Variants in KCNC4 observed in about 807,000 individuals in gnomAD.
The protein encoded by KCNC4 is voltage-gated potassium channel KCNC4.
KCNC4 carries 23 observed loss-of-function variants against 42.8 expected under a neutral mutation model. The observed-to-expected ratio is 0.54, with a 90% CI of 0.39 to 0.76. KCNC4 has a LOEUF of 0.76. Ranked by LOEUF, KCNC4 falls within the 30% of genes least tolerant of loss-of-function variation. KCNC4 has a pLI of 0.00. For synonymous variants in KCNC4, 422 were observed against 393.5 expected (o/e 1.07, Z -0.86); for missense variants, 751 against 898.2 (o/e 0.84, Z 2.10).
chr1:110,274,691 A>T (rs1351960651), intron 1 of KCNC4, among the ~76,000 whole-genome samples: 4 of 152,206 alleles, frequency 2.6e-5, no homozygotes, highest in Admixed American at 2.6e-4. Flanking sequence ...CAGAATTTAA[A>T]AACCCAGAAA....
intron 1 of KCNC4, among the ~76,000 whole-genome samples, chr1:110,216,273 A>G: frequency 6.6e-6 from 1 of 152,220 alleles, no homozygotes; most frequent in South Asian, 2.1e-4. Context: ...CCTCTGAGCT[A>G]GGGTGAACCA....
At chr1:110,281,776 ATCTC>A (rs1659832271) in intron 1 of KCNC4, among the ~76,000 whole-genome samples, 1 of 152,114 alleles carries the variant, frequency 6.6e-6, no homozygotes, top group African/African-American at 2.4e-5. Context: ...CCTAAGTATG[ATCTC>A]TCTGAGAGCA....
At chr1:110,260,809 A>G (rs4839274) in intron 1 of KCNC4, among the ~76,000 whole-genome samples, 17,417 of 152,226 alleles carry the variant, frequency 0.11, 1,395 homozygotes, top group African/African-American at 0.21. Context: ...GTGCGCTTGT[A>G]GTCCCAGCTA....
intron 1 of KCNC4, among the ~76,000 whole-genome samples, chr1:110,212,664 C>A (rs1401719532): frequency 6.6e-6 from 1 of 152,210 alleles, no homozygotes; most frequent in Non-Finnish European, 1.5e-5. Flanking sequence ...CCCAGCAGCT[C>A]AGTGTGCTCA....
intron 1 of KCNC4, among the ~76,000 whole-genome samples, chr1:110,257,768 G>A (rs1220430124): frequency 6.7e-6 from 1 of 149,044 alleles, no homozygotes; most frequent in African/African-American, 2.5e-5. Context: ...TTCCAGGGCT[G>A]GTATGGCAGC....
chr1:110,268,730 ATTT>A (rs1312990388), intron 1 of KCNC4, among the ~76,000 whole-genome samples: 2 of 132,350 alleles, frequency 1.5e-5, no homozygotes, highest in Non-Finnish European at 1.6e-5. Flanking sequence ...CTGAGATTTT[ATTT>A]TTTTTTTTTT....
At chr1:110,267,454 C>T (rs558442289) in intron 1 of KCNC4, among the ~76,000 whole-genome samples, 1 of 152,082 alleles carries the variant, frequency 6.6e-6, no homozygotes, top group Non-Finnish European at 1.5e-5. Context: ...TTCTGGAATC[C>T]GTACATTCCA....
intron 1 of KCNC4, among the ~76,000 whole-genome samples, chr1:110,277,018 T>C (rs1659739104): frequency 6.6e-6 from 1 of 152,240 alleles, no homozygotes; most frequent in Non-Finnish European, 1.5e-5. Context: ...GCAAAGGACA[T>C]ATAAACTGTC....
exon 4 of KCNC4, chr1:110,248,799 A>G (rs1330568383): frequency 1.3e-5 from 2 of 152,178 alleles, no homozygotes; most frequent in Non-Finnish European, 2.9e-5. Context: ...TTAAGTAGGG[A>G]CTCAGTAAAT....
chr1:110,269,908 C>T (rs1659609375), intron 1 of KCNC4, among the ~76,000 whole-genome samples: 1 of 152,146 alleles, frequency 6.6e-6, no homozygotes, highest in African/African-American at 2.4e-5. Context: ...TTACATGGCA[C>T]TTTTGTGATC....
chr1:110,250,414 C>T (rs1024282838), downstream of KCNC4, among the ~76,000 whole-genome samples: 14 of 152,312 alleles, frequency 9.2e-5, no homozygotes, highest in Admixed American at 4.6e-4. Flanking sequence ...CTTGCACCTA[C>T]CAAACCAGGC....
chr1:110,219,739 A>G (rs140865613), intron 1 of KCNC4: 13 of 152,310 alleles, frequency 8.5e-5, no homozygotes, highest in African/African-American at 2.9e-4. Flanking sequence ...CCCTGCCCAC[A>G]GGGATACACA....
chr1:110,217,590 T>G (rs1432305336), intron 1 of KCNC4, among the ~76,000 whole-genome samples: 1 of 152,172 alleles, frequency 6.6e-6, no homozygotes, highest in Non-Finnish European at 1.5e-5. Flanking sequence ...ACTGAATTCC[T>G]TCTGGGGTAG....
chr1:110,283,269 C>T (rs1260683282), downstream of KCNC4, among the ~76,000 whole-genome samples: 1 of 152,158 alleles, frequency 6.6e-6, no homozygotes, highest in East Asian at 1.9e-4. Flanking sequence ...CTTCCCAACA[C>T]CGCCACATTG....
chr1:110,271,614 G>C (rs11806624), intron 1 of KCNC4, among the ~76,000 whole-genome samples: 23,003 of 152,168 alleles, frequency 0.15, 1,876 homozygotes, highest in African/African-American at 0.21. Context: ...AAGCTTGTGA[G>C]TTCAGTGCCA....
Position 110,255,527 on chromosome 1 carries a change from G to T in KCNC4, n.31-27007G>T, listed in dbSNP as rs541700319. Among the ~76,000 whole-genome samples, 3 of 152,236 alleles carry T rather than the reference G, an allele frequency of 2.0e-5. No homozygotes were observed. In the South Asian group the frequency reaches 6.2e-4, roughly 32 times the overall value. On this transcript the variant is annotated intron_variant and non_coding_transcript_variant, in intron 1 of 2. Coordinates refer to the KCNC4 transcript ENST00000412512. ...AGCCGGGTGTATTTTTAGCTCTTTG[G>T]GTATCTGGAAAGGTATTGAGATGCA...
chr1:110,274,011 A>G (rs1659677361), intron 1 of KCNC4, among the ~76,000 whole-genome samples: 1 of 152,238 alleles, frequency 6.6e-6, no homozygotes, highest in South Asian at 2.1e-4. Flanking sequence ...AACAGAAAGA[A>G]ATAAAAGGCA....
chr1:110,262,972 G>C (rs1196759691), intron 1 of KCNC4, among the ~76,000 whole-genome samples: 2 of 152,226 alleles, frequency 1.3e-5, no homozygotes, highest in Non-Finnish European at 2.9e-5. Context: ...GAACAACAGA[G>C]GATGCTGTGC....
chr1:110,223,836 C>T lies in KCNC4; in HGVS notation c.1551C>T (p.Asp517=), dbSNP rs1044023257. Residue 517 remains aspartate (D), a synonymous_variant, in exon 2 of 4, where the codon GAC becomes GAT. Transcript: ENST00000438661. This position sits in a 1 kb window ranked among gnomAD's most constrained non-coding sequence, Gnocchi z 7.5. ...AGTCTGAGGAGACTTCCCCCCGGGA[C>T]AGCACCTGCAGTGATACCAGCCCCC... ...YCKSEETSPR[D]STCSDTSPPA... The T allele has an allele frequency of 2.5e-6, 4 of 1,610,420 alleles. No homozygotes were observed. Among genetic ancestry groups the T allele is most frequent in the East Asian group, 2.2e-5 (1 of 44,826 alleles).
Sources: gnomAD v4.1 joint callset for allele counts (sites outside exome capture counted in the v4.1 genomes callset) on GRCh38, gnomAD v4.1.1 for gene constraint, Gnocchi (gnomAD v3.1) non-coding constraint, MANE v1.5 for transcripts, NCBI Gene and HGNC (gene_info 2026-07-23, HGNC 2026-07-21) for gene names.